Variants in EML5 observed in about 807,000 individuals in gnomAD.
EML5 encodes the protein echinoderm microtubule-associated protein-like 5.
EML5 carries 120 observed loss-of-function variants against 250.0 expected under a neutral mutation model. The ratio of observed to expected loss-of-function variants is 0.48; its 90% CI spans 0.41 to 0.56. EML5 has a LOEUF of 0.56. EML5 is among the 20% of genes least tolerant of loss of function. The pLI is 0.00. For missense variants in EML5, 2,006 were observed against 2,437.6 expected (o/e 0.82, Z 3.73); for synonymous variants, 771 against 806.5 (o/e 0.96, Z 0.75).
At chr14:88,790,778 A>G (rs78890986) in intron 1 of EML5, among the ~76,000 whole-genome samples, 2 of 152,180 alleles carry the variant, frequency 1.3e-5, no homozygotes, top group African/African-American at 4.8e-5. Context: ...GATTAGGGAA[A>G]AAGACAAGAC....
chr14:88,778,576 C>T (rs997232105), intron 1 of EML5, among the ~76,000 whole-genome samples: 2 of 152,208 alleles, frequency 1.3e-5, no homozygotes, highest in Non-Finnish European at 2.9e-5. Context: ...GTCAGGAGAT[C>T]CAGGCCATCC....
intron 21 of EML5, among the ~76,000 whole-genome samples, chr14:88,671,635 G>A (rs1052968856): frequency 1.3e-5 from 2 of 152,108 alleles, no homozygotes; most frequent in South Asian, 4.1e-4. Context: ...CAACCCACTG[G>A]TGTGCTATAT....
rs1233788384 is a variant in EML5 at position 88,658,037 on chromosome 14, T to C, written c.3877+150A>G. ...TTCATGGCAACCTGTTGTTCTTGAGTCACAAAATGGATTTTGATGTTAAAC... is the reference window on the plus strand; with the variant it reads ...TTCATGGCAACCTGTTGTTCTTGAGCCACAAAATGGATTTTGATGTTAAAC... On this transcript the variant is annotated intron_variant, in intron 26 of 43. Transcript: ENST00000554922. The C allele has an allele frequency of 7.1e-6, 5 of 699,426 alleles. No individual in the cohort carries two copies. In the African/African-American group the frequency reaches 9.1e-5, roughly 13 times the overall value. The allele number at this position is 699,426 out of a possible 1,614,324, so 43.3% of individuals were successfully genotyped here. A position where few individuals can be genotyped will look rare whatever the true frequency, so the allele number is the denominator to read the frequency against.
chr14:88,737,082 T>C (rs1291047631), intron 6 of EML5, among the ~76,000 whole-genome samples: 3 of 152,114 alleles, frequency 2.0e-5, no homozygotes, highest in Admixed American at 2.0e-4. Flanking sequence ...ACCTGCCAGC[T>C]GCCAGTATAA....
At chr14:88,745,938 TA>T (rs759122374) in intron 3 of EML5, among the ~76,000 whole-genome samples, 15 of 151,516 alleles carry the variant, frequency 9.9e-5, no homozygotes, top group Admixed American at 5.3e-4. Context: ...AAAAGTATAA[TA>T]AAAAAAAGAA....
intron 27 of EML5, among the ~76,000 whole-genome samples, chr14:88,653,070 G>T (rs976214020): frequency 2.0e-5 from 3 of 152,074 alleles, no homozygotes; most frequent in African/African-American, 7.2e-5. Context: ...AGTTGTGAAT[G>T]GGAGTTCACT....
At chr14:88,672,069 A>G (rs941824250) in intron 21 of EML5, among the ~76,000 whole-genome samples, 2 of 152,086 alleles carry the variant, frequency 1.3e-5, no homozygotes, top group Non-Finnish European at 2.9e-5. Flanking sequence ...TATCTACAGA[A>G]CTCTCCAACC....
intron 3 of EML5, among the ~76,000 whole-genome samples, chr14:88,745,771 A>G (rs2093996339): frequency 6.6e-6 from 1 of 152,174 alleles, no homozygotes. Context: ...CTGTTTTAAA[A>G]AATGTAAAGA....
chr14:88,665,158 G>A (rs1373836874), intron 22 of EML5, among the ~76,000 whole-genome samples, 179 bp downstream of exon 22: 3 of 152,102 alleles, frequency 2.0e-5, no homozygotes, highest in South Asian at 4.2e-4. Context: ...CAGAATTGGC[G>A]CTAAGACAGA....
chr14:88,777,988 A>G (rs1362037475), intron 1 of EML5, among the ~76,000 whole-genome samples: 1 of 152,174 alleles, frequency 6.6e-6, no homozygotes, highest in African/African-American at 2.4e-5. Context: ...AAATACAGCA[A>G]ATTTTTAAAA....
intron 28 of EML5, 31 bp from the exon 29 acceptor site, chr14:88,646,986 AT>A: frequency 6.3e-7 from 1 of 1,586,550 alleles, no homozygotes; most frequent in Non-Finnish European, 8.5e-7. Context: ...AGGGAAAAAG[AT>A]TACAACATAA....
rs775206800 is a variant in EML5, at chr14:88,712,455, T to A, written c.1473A>T (p.Glu491Asp). The A allele has an allele frequency of 1.2e-6, 2 of 1,613,482 alleles. No individual in the cohort carries two copies. The highest frequency in any genetic ancestry group is 1.7e-6 in the Non-Finnish European group (2 of 1,179,588). The change falls in exon 10 of 44, where the codon GAA (glutamate) becomes GAT (aspartate). Residue 491 changes from glutamate to aspartate, a missense_variant. Coordinates refer to ENST00000554922, the MANE Select transcript of EML5 (RefSeq NM_183387.3). ...PGGKEVTSTE[E>D]IKGVHWASWT... is the part of the protein sequence containing the mutation. The stretch of plus-strand genomic sequence containing the variant: ...ATGAAGCCCAATGAACACCTTTTAT[T>A]TCTTCTGTACTTGTCACTTCCTTTC...
chr14:88,615,771 T>TG lies in EML5; in HGVS notation c.*46dup. On this transcript the variant is annotated 3_prime_UTR_variant, in exon 44 of 44. Coordinates refer to ENST00000554922, the MANE Select transcript of EML5 (RefSeq NM_183387.3). The stretch of plus-strand genomic sequence containing the variant: ...GGGTTGGGTTTTGGTTTTTCTTCTC[T>TG]GTAATTCTGGTCTCAAAGTTAATTT... The TG allele has an allele frequency of 6.3e-7, 1 of 1,590,710 alleles. No homozygotes were observed. The highest frequency in any genetic ancestry group is 8.6e-7 in the Non-Finnish European group (1 of 1,167,536).
chr14:88,687,389 T>C (rs2092857762), intron 18 of EML5, 62 bp from the exon 19 acceptor site: 1 of 1,166,516 alleles, frequency 8.6e-7, no homozygotes, highest in African/African-American at 1.6e-5. Context: ...TAGTAACCTT[T>C]TTCCTTATAT....
At position 88,664,534 on chromosome 14, in the gene EML5, C is replaced by T. The variant is rs538660790; in HGVS notation, c.3368G>A (p.Gly1123Glu). The T allele has an allele frequency of 4.3e-6, 7 of 1,610,368 alleles. No individual in the cohort carries two copies. Among genetic ancestry groups the T allele is most frequent in the Admixed American group, 3.4e-5 (2 of 59,582 alleles). The part of the protein sequence containing the change: ...MSSKRVGICK[G>E]ATSYITHIDW... ...AATATGGGTTATGTAACTGGTAGCT[C>T]CTTTGCATATTCCTACTCGTTTACT... The change falls in exon 23 of 44, where the codon GGA (glycine) becomes GAA (glutamate). Residue 1123 changes from glycine to glutamate, a missense_variant. Physicochemically the swap from Gly to Glu is moderately conservative, Grantham distance 98. Transcript: ENST00000554922.
chr14:88,746,803 TA>T (rs2140305038), intron 2 of EML5, among the ~76,000 whole-genome samples: 1 of 152,150 alleles, frequency 6.6e-6, no homozygotes, highest in African/African-American at 2.4e-5. Context: ...ATTAAAGCAG[TA>T]AACCTCTCGG....
chr14:88,732,792 T>G (rs1250397481), intron 7 of EML5, among the ~76,000 whole-genome samples: 1 of 152,096 alleles, frequency 6.6e-6, no homozygotes, highest in Admixed American at 6.5e-5. Context: ...AGATTGAAAT[T>G]TTTCTGAATT....
chr14:88,778,852 T>C (rs1013341563), intron 1 of EML5, among the ~76,000 whole-genome samples: 1 of 152,244 alleles, frequency 6.6e-6, no homozygotes, highest in Non-Finnish European at 1.5e-5. Context: ...TCAAAGATAT[T>C]TGGGTTTTCT....
chr14:88,689,929 T>C (rs775866403), intron 17 of EML5, among the ~76,000 whole-genome samples: 6 of 151,728 alleles, frequency 4.0e-5, no homozygotes, highest in African/African-American at 7.3e-5. Context: ...TTGGAGAAAA[T>C]AGAAGCATAA....
Sources: allele counts gnomAD v4.1 joint callset (sites outside exome capture counted in the v4.1 genomes callset), GRCh38; gene constraint gnomAD v4.1.1; transcripts MANE v1.5; gene names NCBI Gene and HGNC (gene_info 2026-07-23, HGNC 2026-07-21).